Variants in MGAT4C observed in about 807,000 individuals in gnomAD.
The protein encoded by MGAT4C is MGAT4 family member C, also known as alpha-1,3-mannosyl-glycoprotein 4-beta-N-acetylglucosaminyltransferase C.
Under a neutral mutation model 40.1 loss-of-function variants are expected in MGAT4C, and 19 were observed. The observed-to-expected ratio is 0.47, with a 90% CI of 0.33 to 0.70. MGAT4C has a LOEUF of 0.70. Among genes scored for constraint, MGAT4C ranks in the 30% least tolerant of loss-of-function variants. MGAT4C has a pLI of 0.02. For synonymous variants in MGAT4C, 181 were observed against 187.1 expected (o/e 0.97, Z 0.27); for missense variants, 491 against 563.2 (o/e 0.87, Z 1.30).
At chr12:86,612,978 CTT>C (rs1324512401) in intron 2 of MGAT4C, among the ~76,000 whole-genome samples, 1 of 152,100 alleles carries the variant, frequency 6.6e-6, no homozygotes, top group African/African-American at 2.4e-5. Context: ...CATTTACACT[CTT>C]TTGATGATAA....
At chr12:86,801,467 A>G (rs552944848) in intron 1 of MGAT4C, among the ~76,000 whole-genome samples, 1 of 152,012 alleles carries the variant, frequency 6.6e-6, no homozygotes, top group African/African-American at 2.4e-5. Flanking sequence ...ACATATAGAA[A>G]AAGAATCCAG....
chr12:86,581,624 T>C (rs1453453787), intron 2 of MGAT4C, among the ~76,000 whole-genome samples: 1 of 151,454 alleles, frequency 6.6e-6, no homozygotes, highest in Admixed American at 6.6e-5. Flanking sequence ...GAAATACATC[T>C]TCATTTTAGT....
chr12:86,345,939 C>T (rs1019509569), intron 3 of MGAT4C, among the ~76,000 whole-genome samples: 10 of 152,026 alleles, frequency 6.6e-5, no homozygotes, highest in East Asian at 1.9e-4. Flanking sequence ...TTTTAATGAT[C>T]GCCATTCTAA....
At chr12:86,511,948 T>C (rs2136349072) in intron 2 of MGAT4C, among the ~76,000 whole-genome samples, 1 of 152,108 alleles carries the variant, frequency 6.6e-6, no homozygotes, top group East Asian at 1.9e-4. Context: ...ATTAATAGAT[T>C]GAAAAGGCAA....
chr12:86,129,547 T>TAAC (rs1296576550), intron 1 of MGAT4C, among the ~76,000 whole-genome samples: 33 of 19,208 alleles, frequency 1.7e-3, no homozygotes, highest in South Asian at 7.7e-3. Flanking sequence ...ACACAATCTT[T>TAAC]TTTTTTTTTT....
At chr12:86,835,326 T>C (rs1462773548) in intron 1 of MGAT4C, among the ~76,000 whole-genome samples, 3 of 152,008 alleles carry the variant, frequency 2.0e-5, no homozygotes, top group Non-Finnish European at 4.4e-5. Context: ...AATTTAACAT[T>C]CACATTTGAC....
chr12:86,363,476 A>T (rs1181412928), intron 3 of MGAT4C, among the ~76,000 whole-genome samples: 1 of 152,088 alleles, frequency 6.6e-6, no homozygotes, highest in Non-Finnish European at 1.5e-5. Flanking sequence ...TTGGGGGGAA[A>T]ATTTATAGCA....
At chr12:86,790,590 G>A (rs747981270) in intron 1 of MGAT4C, among the ~76,000 whole-genome samples, 10 of 152,038 alleles carry the variant, frequency 6.6e-5, no homozygotes, top group Non-Finnish European at 1.3e-4. Context: ...CTGGTTGACT[G>A]AATCACAGAT....
At chr12:86,203,206 GTCTT>G (rs1566139202) in intron 1 of MGAT4C, among the ~76,000 whole-genome samples, 2 of 152,098 alleles carry the variant, frequency 1.3e-5, no homozygotes. Context: ...TAGTTATGAT[GTCTT>G]TATTTTTGTT....
At chr12:86,605,402 C>T (rs1315826896) in intron 2 of MGAT4C, among the ~76,000 whole-genome samples, 1 of 151,900 alleles carries the variant, frequency 6.6e-6, no homozygotes. Context: ...GTAAACATGA[C>T]CACTGGCATA....
chr12:86,168,974 C>G (rs1886496028), intron 1 of MGAT4C, among the ~76,000 whole-genome samples: 1 of 151,934 alleles, frequency 6.6e-6, no homozygotes, highest in Admixed American at 6.6e-5. Flanking sequence ...GCTTTGTGTA[C>G]TTTTTAAAAT....
rs73187469 is a variant in MGAT4C, at chr12:86,408,391, C to G, written c.-120+26766G>C. Reference sequence around the variant, plus strand: ...GTGAAGCAAAAATTAATTAGAATGACGTAAAATAAATTTCTTATCATTTAT... The same window carrying G: ...GTGAAGCAAAAATTAATTAGAATGAGGTAAAATAAATTTCTTATCATTTAT... On this transcript the variant is annotated intron_variant, in intron 3 of 7. Coordinates refer to the MGAT4C transcript ENST00000548651. 2.8e-5 allele frequency among the ~76,000 whole-genome samples: 4 copies of G among 144,124 alleles called. No individual in the cohort carries two copies. The South Asian group carries it at 6.6e-4, about 24-fold the overall frequency. 94.6% of individuals were successfully genotyped at this position (144,124 alleles called of 152,430 possible).
rs532908184 is a variant in MGAT4C at position 86,108,818 on chromosome 12, T to C, written c.-56-59095A>G. 1.3e-3 allele frequency among the ~76,000 whole-genome samples: 199 copies of C among 152,246 alleles called. 1 individual carries two copies. The Middle Eastern group carries it at 0.014, about 10-fold the overall frequency. ...TCTTATAACCTGTTGAATATGTATG[T>C]TTAGCCAACCTGTTCAGCATAAGCT... On this transcript the variant is annotated intron_variant, in intron 1 of 4. Transcript: ENST00000611864.
chr12:86,820,167 C>T (rs1417870286), intron 1 of MGAT4C, among the ~76,000 whole-genome samples: 1 of 150,712 alleles, frequency 6.6e-6, no homozygotes, highest in African/African-American at 2.4e-5. Context: ...TGTAATTCAA[C>T]AAATATAAAT....
At chr12:86,559,131 G>T (rs1211702637) in intron 2 of MGAT4C, among the ~76,000 whole-genome samples, 1 of 151,782 alleles carries the variant, frequency 6.6e-6, no homozygotes, top group Non-Finnish European at 1.5e-5. Context: ...AATCAATTCA[G>T]GAATAGAATA....
chr12:85,989,868 C>T (rs577705337), intron 2 of MGAT4C, among the ~76,000 whole-genome samples: 4 of 152,030 alleles, frequency 2.6e-5, no homozygotes, highest in South Asian at 2.1e-4. Context: ...TACAAAAGCA[C>T]AATAGAAAAA....
chr12:86,722,752 A>T (rs1276813596), intron 2 of MGAT4C, among the ~76,000 whole-genome samples: 1 of 152,234 alleles, frequency 6.6e-6, no homozygotes, highest in Non-Finnish European at 1.5e-5. Context: ...AAATAAAAAC[A>T]AAAGCAGTTA....
chr12:86,138,158 T>C (rs1355942485), intron 1 of MGAT4C, among the ~76,000 whole-genome samples: 1 of 152,074 alleles, frequency 6.6e-6, no homozygotes, highest in African/African-American at 2.4e-5. Flanking sequence ...GCTTGGCTCC[T>C]CTTCCTTGCT....
At chr12:86,298,108 TTAA>T (rs1953724361) in intron 4 of MGAT4C, among the ~76,000 whole-genome samples, 1 of 151,754 alleles carries the variant, frequency 6.6e-6, no homozygotes, top group Non-Finnish European at 1.5e-5. Flanking sequence ...GGAGAAAAAC[TTAA>T]TAAAAGCCCT....
Sources: allele counts gnomAD v4.1 joint callset (sites outside exome capture counted in the v4.1 genomes callset), GRCh38; gene constraint gnomAD v4.1.1; transcripts MANE v1.5; gene names NCBI Gene and HGNC (gene_info 2026-07-23, HGNC 2026-07-21).